SYT9: variants seen among roughly 807,000 people sequenced by gnomAD.
SYT9 encodes the protein synaptotagmin 9.
SYT9 carries 22 observed loss-of-function variants against 48.4 expected under a neutral mutation model. The ratio of observed to expected loss-of-function variants is 0.45; its 90% CI spans 0.32 to 0.65. SYT9 has a LOEUF of 0.65. SYT9 is among the 30% of genes least tolerant of loss of function. SYT9 has a pLI of 0.03. For synonymous variants in SYT9, 265 were observed against 245.0 expected, an observed-to-expected ratio of 1.08 and a Z score of -0.76; for missense variants, 577 against 622.0, an observed-to-expected ratio of 0.93 and a Z score of 0.77.
At chr11:7,396,035 C>A (rs1047272011) in intron 3 of SYT9, among the ~76,000 whole-genome samples, 2 of 152,082 alleles carry the variant, frequency 1.3e-5, no homozygotes, top group African/African-American at 4.8e-5. Flanking sequence ...CTAGTGGTAA[C>A]AAATTCCCTT....
intron 3 of SYT9, among the ~76,000 whole-genome samples, chr11:7,351,435 T>C (rs1350771784): frequency 6.6e-6 from 1 of 152,198 alleles, no homozygotes; most frequent in Admixed American, 6.5e-5. Context: ...GGCCCACTTT[T>C]GAGAGCAGCC....
At chr11:7,321,469 A>C (rs1849336737) in intron 3 of SYT9, among the ~76,000 whole-genome samples, 1 of 152,152 alleles carries the variant, frequency 6.6e-6, no homozygotes, top group Non-Finnish European at 1.5e-5. Context: ...GATATTTATT[A>C]ATTTGAATCC....
At chr11:7,363,529 A>T (rs1589973616) in intron 3 of SYT9, among the ~76,000 whole-genome samples, 1 of 152,318 alleles carries the variant, frequency 6.6e-6, no homozygotes, top group Non-Finnish European at 1.5e-5. Context: ...AATGGGCTTG[A>T]AACTTAAAGA....
intron 1 of SYT9, among the ~76,000 whole-genome samples, chr11:7,283,380 C>T (rs1440681454): frequency 1.3e-5 from 2 of 151,966 alleles, no homozygotes; most frequent in African/African-American, 4.8e-5. Context: ...GGATTTTCTT[C>T]TCAGATTGCT....
chr11:7,256,882 C>A lies in SYT9; in HGVS notation c.145+4551C>A, dbSNP rs139002936. ...TTAAGACTCATGATTAGTGATTCTT[C>A]TCTCCATGTAAATATTACTCTATTC... On this transcript the variant is annotated intron_variant, in intron 1 of 6. Transcript: ENST00000318881. 1.8e-3 allele frequency among the ~76,000 whole-genome samples: 277 copies of A among 152,254 alleles called. 2 individuals carry two copies. Among genetic ancestry groups the A allele is most frequent in the African/African-American group, 6.5e-3 (269 of 41,552 alleles).
intron 3 of SYT9, among the ~76,000 whole-genome samples, chr11:7,359,071 A>G (rs533150593): frequency 1.6e-4 from 24 of 150,456 alleles, no homozygotes; most frequent in African/African-American, 5.1e-4. Flanking sequence ...TCATTGTTCA[A>G]TTCCCACCTA....
intron 6 of SYT9, among the ~76,000 whole-genome samples, chr11:7,460,031 G>A (rs577921835): frequency 2.9e-4 from 44 of 152,144 alleles, no homozygotes; most frequent in Non-Finnish European, 5.0e-4. Flanking sequence ...CACACTTGAC[G>A]AAGCAGTCAC....
chr11:7,436,867 T>C (rs1202353591), intron 6 of SYT9, among the ~76,000 whole-genome samples: 1 of 152,212 alleles, frequency 6.6e-6, no homozygotes, highest in Non-Finnish European at 1.5e-5. Context: ...CTCAGCCACT[T>C]CGAGCTGCTG....
intron 1 of SYT9, among the ~76,000 whole-genome samples, chr11:7,261,489 A>G (rs1459979518): frequency 2.6e-5 from 4 of 152,174 alleles, no homozygotes; most frequent in Non-Finnish European, 1.5e-5. Flanking sequence ...AGGGAATGAA[A>G]CAGAAAATTA....
intron 1 of SYT9, among the ~76,000 whole-genome samples, chr11:7,262,408 T>G (rs1848096627): frequency 6.6e-6 from 1 of 151,792 alleles, no homozygotes; most frequent in Non-Finnish European, 1.5e-5. Flanking sequence ...AACATGGGAG[T>G]CATCAGCATG....
intron 6 of SYT9, among the ~76,000 whole-genome samples, chr11:7,450,702 C>A (rs1018995071): frequency 6.6e-6 from 1 of 152,232 alleles, no homozygotes; most frequent in African/African-American, 2.4e-5. Flanking sequence ...TTTCTCTCTT[C>A]ATTATTTTAT....
At chr11:7,341,875 T>C (rs1849719205) in intron 3 of SYT9, among the ~76,000 whole-genome samples, 2 of 152,176 alleles carry the variant, frequency 1.3e-5, no homozygotes, top group South Asian at 4.1e-4. Context: ...GAAAATGGTT[T>C]AATGGACTCA....
intron 3 of SYT9, among the ~76,000 whole-genome samples, chr11:7,360,266 A>G (rs1850107461): frequency 1.3e-5 from 2 of 152,098 alleles, no homozygotes; most frequent in Admixed American, 1.3e-4. Flanking sequence ...CTTGTAGTAT[A>G]GTTTGAAGTC....
chr11:7,286,864 A>G (rs904540058), intron 1 of SYT9, among the ~76,000 whole-genome samples: 1 of 152,166 alleles, frequency 6.6e-6, no homozygotes, highest in Non-Finnish European at 1.5e-5. Flanking sequence ...CCACATCACT[A>G]TCAGCATTTT....
upstream of SYT9, among the ~76,000 whole-genome samples, chr11:7,251,766 T>TG (rs1847870819): frequency 6.6e-6 from 1 of 152,014 alleles, no homozygotes; most frequent in African/African-American, 2.4e-5. Flanking sequence ...AAGCCAAGTC[T>TG]CGCGCTCGGC....
At chr11:7,314,025 C>T in intron 3 of SYT9, 84 bp downstream of exon 3, 1 of 1,465,808 alleles carries the variant, frequency 6.8e-7, no homozygotes, top group Non-Finnish European at 9.2e-7. Context: ...ATCTTGAGGA[C>T]AAAGTGTAAA....
At chr11:7,261,564 T>C (rs1589893601) in intron 1 of SYT9, among the ~76,000 whole-genome samples, 1 of 152,010 alleles carries the variant, frequency 6.6e-6, no homozygotes, top group East Asian at 1.9e-4. Flanking sequence ...TTATATTGTA[T>C]GTTAGATAGT....
intron 6 of SYT9, chr11:7,435,078 G>A (rs911087458): frequency 6.6e-6 from 1 of 152,164 alleles, no homozygotes; most frequent in African/African-American, 2.4e-5. Flanking sequence ...GGATAAGAAG[G>A]GGGAAAATCA....
At chr11:7,317,157 C>T (rs960817795) in intron 3 of SYT9, among the ~76,000 whole-genome samples, 1 of 152,194 alleles carries the variant, frequency 6.6e-6, no homozygotes, top group Non-Finnish European at 1.5e-5. Flanking sequence ...TTGTGTCCTA[C>T]TTAAGAAGTA....
Sources: allele counts gnomAD v4.1 joint callset (sites outside exome capture counted in the v4.1 genomes callset), GRCh38; gene constraint gnomAD v4.1.1; transcripts MANE v1.5; gene names NCBI Gene and HGNC (gene_info 2026-07-23, HGNC 2026-07-21).